Variants in UNC13C observed in about 807,000 individuals in gnomAD.
UNC13C encodes the protein unc-13 homolog C, also known as protein unc-13 homolog C.
In UNC13C, 174 loss-of-function variants were observed where a neutral mutation model predicts 245.4. That is an observed-to-expected ratio of 0.71 (90% CI 0.63 to 0.80). The LOEUF is 0.80. Ranked by LOEUF, UNC13C falls within the 30% of genes least tolerant of loss-of-function variation. UNC13C has a pLI of 0.00. For missense variants in UNC13C, 2,829 were observed against 2,602.9 expected, an observed-to-expected ratio of 1.09 and a Z score of -1.89; for synonymous variants, 992 against 895.1, an observed-to-expected ratio of 1.11 and a Z score of -1.93.
chr15:54,321,840 G>T, intron 13 of UNC13C, 99 bp from the exon 14 acceptor site: 2 of 1,186,120 alleles, frequency 1.7e-6, no homozygotes, highest in African/African-American at 1.6e-5. Flanking sequence ...CCTTTTCATA[G>T]ATGTAGCTGT....
intron 14 of UNC13C, among the ~76,000 whole-genome samples, chr15:54,324,849 G>T (rs1328677750): frequency 1.3e-5 from 2 of 152,052 alleles, no homozygotes; most frequent in African/African-American, 4.8e-5. Context: ...TCAGTGAATG[G>T]CATATAACAA....
intron 19 of UNC13C, among the ~76,000 whole-genome samples, chr15:54,462,292 C>T (rs1891889991): frequency 6.6e-6 from 1 of 152,214 alleles, no homozygotes; most frequent in African/African-American, 2.4e-5. Context: ...TGAGAGGTGA[C>T]AATGTGCTGG....
the UNC13C span, among the ~76,000 whole-genome samples, chr15:53,859,076 G>A: frequency 6.6e-6 from 1 of 151,778 alleles, no homozygotes; most frequent in Non-Finnish European, 1.5e-5. Flanking sequence ...TTGTAAATGG[G>A]CATGTACAAC....
chr15:53,960,984 G>T, the UNC13C span, among the ~76,000 whole-genome samples: 2 of 152,208 alleles, frequency 1.3e-5, no homozygotes, highest in Non-Finnish European at 2.9e-5. Context: ...CTCTGTGTAT[G>T]TGTGTTTGTA....
intron 1 of UNC13C, among the ~76,000 whole-genome samples, chr15:53,988,614 G>A (rs2725594): frequency 0.48 from 73,099 of 151,548 alleles, 20,020 homozygotes; most frequent in South Asian, 0.65. Context: ...GGAGGATTTG[G>A]AAGTACATTC....
intron 2 of UNC13C, among the ~76,000 whole-genome samples, chr15:54,068,944 C>A (rs1898194975): frequency 6.6e-6 from 1 of 152,108 alleles, no homozygotes; most frequent in African/African-American, 2.4e-5. Flanking sequence ...ATGCTGCCAT[C>A]AAGATAAGTA....
chr15:54,573,481 A>G (rs1319606126), intron 30 of UNC13C, among the ~76,000 whole-genome samples: 1 of 152,246 alleles, frequency 6.6e-6, no homozygotes, highest in East Asian at 1.9e-4. Context: ...AGAATTTAAT[A>G]TATAAGAGTC....
Position 54,627,904 on chromosome 15 carries a change from G to A in UNC13C, c.*791G>A, listed in dbSNP as rs1901286651. ...TAATGGTTTAGAAATGGGATGGAAA[G>A]TTTACTGAAAATACCTGTAAGTAAC... On this transcript the variant is annotated 3_prime_UTR_variant, in exon 33 of 33. Transcript: ENST00000260323. 6.6e-6 allele frequency: 1 copy of A among 152,518 alleles called. No individual in the cohort carries two copies. The highest frequency in any genetic ancestry group is 1.5e-5 in the Non-Finnish European group (1 of 67,984). The allele number at this position is 152,518 out of a possible 1,614,324, so 9.4% of individuals were successfully genotyped here. A position where few individuals can be genotyped will look rare whatever the true frequency, so the allele number is the denominator to read the frequency against.
rs369389564 is a variant in UNC13C at position 54,250,214 on chromosome 15, C to T, written c.3229-11C>T. 1.9e-6 allele frequency: 3 copies of T among 1,612,944 alleles called. No homozygotes were observed. The highest frequency in any genetic ancestry group is 1.1e-5 in the South Asian group (1 of 91,030). On this transcript the variant is annotated splice_polypyrimidine_tract_variant and intron_variant, in intron 7 of 32. Coordinates refer to ENST00000260323, the MANE Select transcript of UNC13C (RefSeq NM_001080534.3). ...TTGGCGGTGCATTGGTAACTTCTCT[C>T]ATGTTCACAGAAAATGCACGTCTTC...
chr15:54,402,134 A>G (rs1041218975), intron 18 of UNC13C, among the ~76,000 whole-genome samples: 1 of 152,122 alleles, frequency 6.6e-6, no homozygotes, highest in African/African-American at 2.4e-5. Flanking sequence ...TCCTACAAGC[A>G]ATCAGTTTTG....
intron 2 of UNC13C, among the ~76,000 whole-genome samples, chr15:54,079,461 A>T (rs1040455373): frequency 6.6e-6 from 1 of 151,752 alleles, no homozygotes; most frequent in Non-Finnish European, 1.5e-5. Context: ...ATGTTTTTGC[A>T]CTTGTTTGTA....
chr15:54,101,462 G>GT (rs1167212051), intron 2 of UNC13C, among the ~76,000 whole-genome samples: 2 of 152,080 alleles, frequency 1.3e-5, no homozygotes, highest in Non-Finnish European at 2.9e-5. Flanking sequence ...AAAGAACCTA[G>GT]TTTTTTACTA....
Position 54,612,398 on chromosome 15 carries a change from C to T in UNC13C, c.6107-9929C>T, listed in dbSNP as rs894005970. ...TAGAGTTTATTTATTTATATGACTTCTTTATACATTAGGGATAGTAACCGT... is the reference window on the plus strand; with the variant it reads ...TAGAGTTTATTTATTTATATGACTTTTTTATACATTAGGGATAGTAACCGT... On this transcript the variant is annotated intron_variant, in intron 30 of 32. Transcript: ENST00000260323. Among the ~76,000 whole-genome samples, 5 of 152,048 alleles carry T rather than the reference C, an allele frequency of 3.3e-5. No individual in the cohort carries two copies. The East Asian group carries it at 9.6e-4, about 29-fold the overall frequency.
the UNC13C span, among the ~76,000 whole-genome samples, chr15:53,876,275 A>C: frequency 6.6e-6 from 1 of 152,176 alleles, no homozygotes; most frequent in South Asian, 2.1e-4. Flanking sequence ...GGAATGTTCA[A>C]AGCTCAAGTA....
intron 18 of UNC13C, among the ~76,000 whole-genome samples, chr15:54,401,152 T>C (rs1264375603): frequency 6.6e-6 from 1 of 152,190 alleles, no homozygotes; most frequent in Non-Finnish European, 1.5e-5. Flanking sequence ...AATTATTTCT[T>C]TTAACCTAAA....
chr15:54,597,563 C>T (rs895468623), intron 30 of UNC13C, among the ~76,000 whole-genome samples: 1 of 152,118 alleles, frequency 6.6e-6, no homozygotes, highest in Non-Finnish European at 1.5e-5. Context: ...ATCCCTGAGA[C>T]ACCGCAAAAG....
chr15:54,190,336 A>G (rs1034356594), intron 4 of UNC13C, among the ~76,000 whole-genome samples: 2 of 152,254 alleles, frequency 1.3e-5, no homozygotes, highest in African/African-American at 4.8e-5. Context: ...TCAAAAAGCA[A>G]AAAGACTACA....
intron 19 of UNC13C, among the ~76,000 whole-genome samples, chr15:54,447,921 A>T (rs1268806488): frequency 6.6e-6 from 1 of 152,090 alleles, no homozygotes; most frequent in African/African-American, 2.4e-5. Context: ...AGTGGTATAA[A>T]TTTCCCTCTA....
At chr15:54,488,587 A>G (rs1893545532) in intron 19 of UNC13C, among the ~76,000 whole-genome samples, 1 of 152,192 alleles carries the variant, frequency 6.6e-6, no homozygotes, top group African/African-American at 2.4e-5. Flanking sequence ...ACATAATTGT[A>G]CACTATACAG....
Sources: gnomAD v4.1 joint callset for allele counts (sites outside exome capture counted in the v4.1 genomes callset) on GRCh38, gnomAD v4.1.1 for gene constraint, MANE v1.5 for transcripts, NCBI Gene and HGNC (gene_info 2026-07-23, HGNC 2026-07-21) for gene names.